Variants in SLK observed in about 807,000 individuals in gnomAD.
SLK encodes STE20-like serine/threonine-protein kinase.
A neutral mutation model predicts 147.7 loss-of-function variants in SLK; 67 were observed. The observed-to-expected ratio is 0.45, with a 90% CI of 0.37 to 0.56. The LOEUF (loss-of-function observed/expected upper bound fraction) is 0.56, where lower values mean the gene tolerates loss of function less well. Ranked by LOEUF, SLK falls within the 20% of genes least tolerant of loss-of-function variation. The pLI, the probability that SLK is intolerant of heterozygous loss-of-function variation, is 0.00. For synonymous variants in SLK, 441 were observed against 475.0 expected, an observed-to-expected ratio of 0.93 and a Z score of 0.93; for missense variants, 1,136 against 1,438.8, an observed-to-expected ratio of 0.79 and a Z score of 3.41.
At position 104,001,090 on chromosome 10, in the gene SLK, A is replaced by G. The variant is rs139487918; in HGVS notation, c.865-354A>G. Among the ~76,000 whole-genome samples, 57 of 149,568 alleles carry G rather than the reference A, an allele frequency of 3.8e-4. No homozygotes were observed. The East Asian group carries it at 0.011, about 28-fold the overall frequency. On this transcript the variant is annotated intron_variant, in intron 7 of 18. Coordinates refer to ENST00000369755, the MANE Select transcript of SLK (RefSeq NM_014720.4). ...AAAAAAAAAAAAAAAAAAAAAAGTAATAATGTAGTGACCTGACATTTGCTT... is the reference window on the plus strand; with the variant it reads ...AAAAAAAAAAAAAAAAAAAAAAGTAGTAATGTAGTGACCTGACATTTGCTT...
At chr10:103,979,656 G>A (rs2134451885) in intron 1 of SLK, among the ~76,000 whole-genome samples, 1 of 151,806 alleles carries the variant, frequency 6.6e-6, no homozygotes, top group South Asian at 2.1e-4. Context: ...TATGTTTATT[G>A]GCCATTTGGA....
chr10:104,025,617 T>C lies in SLK; in HGVS notation c.3605T>C (p.Val1202Ala). The C allele has an allele frequency of 1.2e-6, 2 of 1,613,922 alleles. No homozygotes were observed. Among genetic ancestry groups the C allele is most frequent in the Non-Finnish European group, 1.7e-6 (2 of 1,179,802 alleles). ...EFARKLQEQE[V>A]FFKMTGESEC... ...GCCAGGAAACTACAGGAACAGGAAG[T>C]ATTCTTTAAAATGACTGGGGAGTCT... Residue 1202 changes from valine to alanine, a missense_variant, in exon 19 of 19, where the codon GTA becomes GCA. This residue lies in a region of SLK where 327 missense variants were observed against 457.5 expected (regional missense o/e 0.71). Transcript: ENST00000369755.
At chr10:104,015,386 C>A (rs1381051563) in intron 13 of SLK, among the ~76,000 whole-genome samples, 1 of 152,210 alleles carries the variant, frequency 6.6e-6, no homozygotes, top group Non-Finnish European at 1.5e-5. Context: ...TAGGAGTTAG[C>A]TGCTTTAAGG....
intron 1 of SLK, among the ~76,000 whole-genome samples, chr10:103,988,515 C>T (rs537908149): frequency 6.6e-6 from 1 of 152,212 alleles, no homozygotes; most frequent in African/African-American, 2.4e-5. Flanking sequence ...TAATTTCACA[C>T]ACAAAAATTT....
At chr10:104,017,062 C>T (rs991392704) in intron 13 of SLK, among the ~76,000 whole-genome samples, 1 of 152,140 alleles carries the variant, frequency 6.6e-6, no homozygotes, top group Non-Finnish European at 1.5e-5. Context: ...ATGTATGATT[C>T]TAGCAGAAAG....
intron 15 of SLK, 120 bp downstream of exon 15, chr10:104,019,028 T>C: frequency 1.0e-6 from 1 of 979,902 alleles, no homozygotes; most frequent in Non-Finnish European, 1.5e-6. Context: ...TCTTTTATCC[T>C]ACAATTTCTT....
In SLK at chr10:103,990,850, T is replaced by C; in HGVS notation, c.315+11T>C. ...GAGAACAATCTTTGGGTAAGTATTTTCTGTTGATCTAAAGGAGTAGCCAAA... is the reference window on the plus strand; with the variant it reads ...GAGAACAATCTTTGGGTAAGTATTTCCTGTTGATCTAAAGGAGTAGCCAAA... On this transcript the variant is annotated intron_variant, in intron 2 of 18. Coordinates refer to ENST00000369755, the MANE Select transcript of SLK (RefSeq NM_014720.4). 1.4e-6 allele frequency: 2 copies of C among 1,477,844 alleles called. No individual in the cohort carries two copies. The highest frequency in any genetic ancestry group is 1.5e-5 in the South Asian group (1 of 66,704). The allele number at this position is 1,477,844 out of a possible 1,614,324, so 91.5% of individuals were successfully genotyped here.
chr10:104,005,465 G>T, intron 9 of SLK, 96 bp from the exon 10 acceptor site: 1 of 1,148,524 alleles, frequency 8.7e-7, no homozygotes, highest in Non-Finnish European at 1.2e-6. Flanking sequence ...CAGTTGTTTT[G>T]TTTTAAAAAA....
At position 104,025,790 on chromosome 10, in the gene SLK, GTC is replaced by G. The variant is rs2134544442; in HGVS notation, c.*75_*76del. On this transcript the variant is annotated 3_prime_UTR_variant, in exon 19 of 19. Transcript: ENST00000369755. ...CATTCTGTTCTCATCTTCTGCCACAGTCTCTCAGATAGCTCATGAAGACAATC... is the reference window on the plus strand; with the variant it reads ...CATTCTGTTCTCATCTTCTGCCACAGTCTCAGATAGCTCATGAAGACAATC... 1 of 1,366,470 alleles carries G rather than the reference GTC, an allele frequency of 7.3e-7. No homozygotes were observed. The highest frequency in any genetic ancestry group is 1.3e-5 in the South Asian group (1 of 79,182). 84.6% of individuals were successfully genotyped at this position (1,366,470 alleles called of 1,614,324 possible).
Position 104,025,819 on chromosome 10 carries a change from C to A in SLK, c.*99C>A. 2.0e-6 allele frequency: 2 copies of A among 986,042 alleles called. No homozygotes were observed. Among genetic ancestry groups the A allele is most frequent in the South Asian group, 1.8e-5 (1 of 54,658 alleles). The allele number at this position is 986,042 out of a possible 1,614,324, so 61.1% of individuals were successfully genotyped here. On this transcript the variant is annotated 3_prime_UTR_variant, in exon 19 of 19. Transcript: ENST00000369755. Reference sequence around the variant, plus strand: ...CTCAGATAGCTCATGAAGACAATCACCTGCCTCACCTTCTAGGTGTTTTCC... The same window carrying A: ...CTCAGATAGCTCATGAAGACAATCAACTGCCTCACCTTCTAGGTGTTTTCC...
intron 13 of SLK, among the ~76,000 whole-genome samples, chr10:104,013,519 T>C (rs1844425094): frequency 2.0e-5 from 3 of 152,280 alleles, no homozygotes. Flanking sequence ...ATCTGTTAAG[T>C]GACTTGTTCC....
chr10:104,015,356 C>T (rs1844448779), intron 13 of SLK, among the ~76,000 whole-genome samples: 1 of 152,212 alleles, frequency 6.6e-6, no homozygotes, highest in Non-Finnish European at 1.5e-5. Flanking sequence ...TATAAACAGT[C>T]ATAGCTCCTC....
intron 18 of SLK, among the ~76,000 whole-genome samples, chr10:104,025,336 T>C (rs896351035): frequency 2.0e-5 from 3 of 152,192 alleles, no homozygotes; most frequent in Admixed American, 2.0e-4. Context: ...AGGAATTAAA[T>C]GGTTCTCTAA....
chr10:103,994,311 T>C (rs1844137645), intron 4 of SLK, among the ~76,000 whole-genome samples: 1 of 152,236 alleles, frequency 6.6e-6, no homozygotes. Flanking sequence ...CCAGAAGCTC[T>C]TCCGTATGCC....
intron 1 of SLK, among the ~76,000 whole-genome samples, chr10:103,970,489 C>T (rs1843778519): frequency 6.6e-6 from 1 of 152,150 alleles, no homozygotes; most frequent in Admixed American, 6.5e-5. Flanking sequence ...TTGAAGAGCA[C>T]GGGCTGGCAC....
chr10:103,976,237 T>G (rs1169500718), intron 1 of SLK, among the ~76,000 whole-genome samples: 3 of 152,116 alleles, frequency 2.0e-5, no homozygotes, highest in Admixed American at 6.5e-5. Flanking sequence ...AAAAATACGA[T>G]TCATGAATAT....
At chr10:103,968,026 A>G in intron 1 of SLK, 131 bp downstream of exon 1, 2 of 931,252 alleles carry the variant, frequency 2.1e-6, no homozygotes, top group Non-Finnish European at 3.2e-6. Flanking sequence ...ATGCAACTTT[A>G]CTTGGCTGAT....
At position 104,002,905 on chromosome 10, in the gene SLK, A is replaced by G; in HGVS notation, c.1727A>G (p.Glu576Gly). Residue 576 changes from glutamate (E) to glycine (G), a missense_variant, in exon 9 of 19, where the codon GAA (glutamate) becomes GGA (glycine). Physicochemically the swap from Glu to Gly is moderately conservative, Grantham distance 98. This residue lies in a region of SLK where 516 missense variants were observed against 531.3 expected (regional missense o/e 0.97). Coordinates refer to ENST00000369755, the MANE Select transcript of SLK (RefSeq NM_014720.4). ...GATACGCAGAGTAATGATGGGAAAG[A>G]AGTGGTCGAAGTAGGCCAGAAATTA... ...AEDTQSNDGK[E>G]VVEVGQKLIN... 6.2e-7 allele frequency: 1 copy of G among 1,614,158 alleles called. No individual in the cohort carries two copies. The highest frequency in any genetic ancestry group is 1.1e-5 in the South Asian group (1 of 91,076).
At chr10:103,987,383 G>A (rs1053490030) in intron 1 of SLK, among the ~76,000 whole-genome samples, 6 of 152,060 alleles carry the variant, frequency 3.9e-5, no homozygotes, top group Admixed American at 2.6e-4. Flanking sequence ...TAGTGGCTGC[G>A]TCATTTTTCA....
Sources: allele counts gnomAD v4.1 joint callset (sites outside exome capture counted in the v4.1 genomes callset), GRCh38; gene constraint gnomAD v4.1.1; regional missense constraint gnomAD v4.1.1; transcripts MANE v1.5; gene names NCBI Gene and HGNC (gene_info 2026-07-23, HGNC 2026-07-21).